The following BTBD9 variants were observed in gnomAD, a reference collection of about 807,000 sequenced individuals.
BTBD9 encodes BTB domain containing 9, also known as BTB/POZ domain-containing protein 9.
BTBD9 carries 49 observed loss-of-function variants against 64.3 expected under a neutral mutation model. The ratio of observed to expected loss-of-function variants is 0.76; its 90% CI spans 0.61 to 0.97. The LOEUF is 0.97. Ranked by LOEUF, BTBD9 falls within the 50% of genes least tolerant of loss-of-function variation. BTBD9 has a pLI of 0.00. For missense variants in BTBD9, 598 were observed against 762.1 expected, an observed-to-expected ratio of 0.78 and a Z score of 2.53; for synonymous variants, 260 against 274.7, an observed-to-expected ratio of 0.95 and a Z score of 0.53.
chr6:38,483,303 C>T (rs1771248091), intron 6 of BTBD9, among the ~76,000 whole-genome samples: 1 of 151,950 alleles, frequency 6.6e-6, no homozygotes, highest in Admixed American at 6.6e-5. Context: ...TTTCTGTTAC[C>T]TACTGCCCTC....
At chr6:38,549,695 C>T (rs1007013410) in intron 6 of BTBD9, among the ~76,000 whole-genome samples, 1 of 152,140 alleles carries the variant, frequency 6.6e-6, no homozygotes, top group African/African-American at 2.4e-5. Context: ...TAGGGAACCA[C>T]CCTACTGCTT....
At chr6:38,344,465 C>T (rs764347) in intron 7 of BTBD9, among the ~76,000 whole-genome samples, 41,262 of 152,050 alleles carry the variant, frequency 0.27, 6,792 homozygotes, top group African/African-American at 0.45. Flanking sequence ...TTTGGTCTTA[C>T]TTAAATTATA....
intron 6 of BTBD9, among the ~76,000 whole-genome samples, chr6:38,438,248 G>GGA (rs1582430647): frequency 1.3e-5 from 1 of 79,936 alleles, no homozygotes; most frequent in African/African-American, 5.6e-5. Flanking sequence ...GGGAGGGAGG[G>GGA]AGGAAGGAAG....
chr6:38,374,294 T>TACAC lies in BTBD9; in HGVS notation c.1155-29202_1155-29201insGTGT, dbSNP rs1554143542. 2.5e-3 allele frequency among the ~76,000 whole-genome samples: 201 copies of TACAC among 80,362 alleles called. 13 individuals carry two copies. The highest frequency in any genetic ancestry group is 0.015 in the African/African-American group (188 of 12,960). 52.7% of individuals were successfully genotyped at this position (80,362 alleles called of 152,430 possible). On this transcript the variant is annotated intron_variant, in intron 6 of 10. Coordinates refer to ENST00000481247, the MANE Select transcript of BTBD9 (RefSeq NM_001099272.2). Reference sequence around the variant, plus strand: ...GAAAAAAAAAAAAAGTATATATATATATGTATATATATGTATATATATATA... The same window carrying TACAC: ...GAAAAAAAAAAAAAGTATATATATATACACATGTATATATATGTATATATATATA...
chr6:38,491,145 C>G (rs531325967), intron 6 of BTBD9, among the ~76,000 whole-genome samples: 1 of 152,108 alleles, frequency 6.6e-6, no homozygotes, highest in Non-Finnish European at 1.5e-5. Flanking sequence ...CAAAAGACAA[C>G]GAAACTCAAG....
At chr6:38,367,194 G>A (rs1765216234) in intron 6 of BTBD9, among the ~76,000 whole-genome samples, 1 of 152,220 alleles carries the variant, frequency 6.6e-6, no homozygotes, top group Non-Finnish European at 1.5e-5. Flanking sequence ...CTCTGGCCCC[G>A]AGGGTGGCCT....
chr6:38,227,255 T>C (rs914531110), intron 9 of BTBD9, among the ~76,000 whole-genome samples: 1 of 152,230 alleles, frequency 6.6e-6, no homozygotes, highest in Non-Finnish European at 1.5e-5. Context: ...GAGACCACTT[T>C]TAGGGTTTGT....
At chr6:38,498,679 C>T (rs1479566504) in intron 6 of BTBD9, among the ~76,000 whole-genome samples, 1 of 152,090 alleles carries the variant, frequency 6.6e-6, no homozygotes, top group Non-Finnish European at 1.5e-5. Context: ...ACACACCATC[C>T]AATTTCAAAA....
At chr6:38,351,626 C>G (rs556644908) in intron 6 of BTBD9, among the ~76,000 whole-genome samples, 2 of 150,532 alleles carry the variant, frequency 1.3e-5, no homozygotes, top group East Asian at 4.0e-4. Flanking sequence ...CTCAGCCTCC[C>G]GAGTAGCTGG....
chr6:38,316,189 A>G (rs2127573497), intron 7 of BTBD9, among the ~76,000 whole-genome samples: 1 of 152,084 alleles, frequency 6.6e-6, no homozygotes, highest in South Asian at 2.1e-4. Flanking sequence ...GTTTCAGTCT[A>G]TGTGTTTCTT....
intron 9 of BTBD9, among the ~76,000 whole-genome samples, chr6:38,219,159 C>CGAG (rs1561888121): frequency 8.0e-6 from 1 of 125,648 alleles, no homozygotes; most frequent in African/African-American, 3.1e-5. Context: ...TTTTTGAGAC[C>CGAG]GAGTCTTGCT....
chr6:38,498,630 A>C (rs531474714), intron 6 of BTBD9, among the ~76,000 whole-genome samples: 18 of 152,260 alleles, frequency 1.2e-4, no homozygotes, highest in Admixed American at 9.8e-4. Context: ...GGGCAACATA[A>C]GGGGACACAT....
intron 6 of BTBD9, among the ~76,000 whole-genome samples, chr6:38,382,516 C>CAAA (rs35186359): frequency 1.7e-5 from 1 of 60,292 alleles, no homozygotes; most frequent in African/African-American, 5.9e-5. Flanking sequence ...GACCTTGTCT[C>CAAA]AAAAAAAAAA....
At chr6:38,312,855 G>C (rs1417294316) in intron 7 of BTBD9, among the ~76,000 whole-genome samples, 4 of 152,222 alleles carry the variant, frequency 2.6e-5, no homozygotes, top group African/African-American at 7.2e-5. Flanking sequence ...TTTCAGTTTT[G>C]TTCTTTTTGT....
At chr6:38,606,804 T>C (rs1777445718) in intron 1 of BTBD9, among the ~76,000 whole-genome samples, 1 of 152,210 alleles carries the variant, frequency 6.6e-6, no homozygotes, top group Non-Finnish European at 1.5e-5. Context: ...GGTAGGTACT[T>C]TTAAAATATC....
At chr6:38,361,791 G>C (rs1214865198) in intron 6 of BTBD9, among the ~76,000 whole-genome samples, 2 of 149,050 alleles carry the variant, frequency 1.3e-5, no homozygotes, top group Non-Finnish European at 3.0e-5. Context: ...AGTGAGCCAA[G>C]ATTGTGCCAT....
chr6:38,453,317 CTT>C (rs1582454572), intron 6 of BTBD9, among the ~76,000 whole-genome samples: 2 of 152,200 alleles, frequency 1.3e-5, no homozygotes, highest in East Asian at 1.9e-4. Context: ...AGGCGTTATT[CTT>C]TGTTTTATTT....
rs1761827894 is a variant in BTBD9, at chr6:38,288,388, G to A, written c.1338C>T (p.Ala446=). 2 of 1,614,116 alleles carry A rather than the reference G, an allele frequency of 1.2e-6. No homozygotes were observed. The highest frequency in any genetic ancestry group is 1.3e-5 in the African/African-American group (1 of 75,028). The stretch of plus-strand genomic sequence containing the variant: ...AATTCTTAGTGTCCCCATTCAGCAA[G>A]GCATTTCGGCTCCGACTGACTCCTT... ...VIEGVSRSRN[A]LLNGDTKNYD... Residue 446 remains alanine (A), a synonymous_variant, in exon 8 of 11, where the codon GCC becomes GCT. Coordinates refer to ENST00000481247, the MANE Select transcript of BTBD9 (RefSeq NM_001099272.2).
At chr6:38,418,044 T>A (rs967640017) in intron 6 of BTBD9, among the ~76,000 whole-genome samples, 4 of 137,762 alleles carry the variant, frequency 2.9e-5, no homozygotes, top group Middle Eastern at 3.6e-3. Context: ...AATTCTTGCC[T>A]CCTATAATTG....
Sources: gnomAD v4.1 joint callset for allele counts (sites outside exome capture counted in the v4.1 genomes callset) on GRCh38, gnomAD v4.1.1 for gene constraint, MANE v1.5 for transcripts, NCBI Gene and HGNC (gene_info 2026-07-23, HGNC 2026-07-21) for gene names.